Variants in BCAN observed in about 807,000 individuals in gnomAD.
BCAN encodes brevican core protein.
Under a neutral mutation model 92.4 loss-of-function variants are expected in BCAN, and 51 were observed. That is an observed-to-expected ratio of 0.55 (90% CI 0.44 to 0.70). BCAN has a LOEUF of 0.70. BCAN is among the 30% of genes least tolerant of loss of function. The probability of loss-of-function intolerance (pLI) is 0.00; values close to 1 mark genes in which losing one functional copy is unlikely to be tolerated. For synonymous variants in BCAN, 501 were observed against 505.2 expected (o/e 0.99, Z 0.11); for missense variants, 1,140 against 1,212.1 (o/e 0.94, Z 0.88).
intron 8 of BCAN, among the ~76,000 whole-genome samples, chr1:156,653,787 G>A (rs1162358737): frequency 6.6e-6 from 1 of 152,072 alleles, no homozygotes; most frequent in African/African-American, 2.4e-5. Context: ...AGGCAGTGCT[G>A]GGAGTTGTAG....
At chr1:156,646,243 C>T in intron 2 of BCAN, 98 bp downstream of exon 2, 1 of 1,171,510 alleles carries the variant, frequency 8.5e-7, no homozygotes, top group Non-Finnish European at 1.2e-6. Flanking sequence ...AATTGGAGGG[C>T]TGTGGGGAAG....
Position 156,659,203 on chromosome 1 carries a change from G to A in BCAN, c.*69G>A, listed in dbSNP as rs887044805. 25 of 1,211,610 alleles carry A rather than the reference G, an allele frequency of 2.1e-5. No individual in the cohort carries two copies. The highest frequency in any genetic ancestry group is 1.5e-4 in the African/African-American group (10 of 64,738). 75.1% of individuals were successfully genotyped at this position (1,211,610 alleles called of 1,614,324 possible). On this transcript the variant is annotated 3_prime_UTR_variant, in exon 14 of 14. Coordinates refer to ENST00000329117, the MANE Select transcript of BCAN (RefSeq NM_021948.5). ...ACCCAAATTTTCCCTCACACCCTGC[G>A]CTCCCGCCACCACAGGAAGTGACAA... is the stretch of plus-strand genomic sequence containing the variant.
chr1:156,643,327 TC>T (rs1678850645), intron 1 of BCAN: 1 of 152,216 alleles, frequency 6.6e-6, no homozygotes, highest in African/African-American at 2.4e-5. Context: ...TAGTTTTGCT[TC>T]CAATAAAAAG....
intron 6 of BCAN, among the ~76,000 whole-genome samples, chr1:156,649,588 G>A (rs1679094186): frequency 6.6e-6 from 1 of 152,166 alleles, no homozygotes; most frequent in African/African-American, 2.4e-5. Context: ...AATTTTTGTA[G>A]AGATGGGGTT....
intron 8 of BCAN, among the ~76,000 whole-genome samples, chr1:156,653,963 C>G (rs946777283): frequency 1.3e-5 from 2 of 152,118 alleles, no homozygotes; most frequent in Non-Finnish European, 2.9e-5. Context: ...GCCCTCACCC[C>G]CATCCCCTAG....
Position 156,648,868 on chromosome 1 carries a change from C to T in BCAN, c.1063+7C>T, listed in dbSNP as rs554803551. The stretch of plus-strand genomic sequence containing the variant: ...AACGTCTACTGCTTCCGAGGTGAGC[C>T]CACCTCCCTGCAGAAGCTGAGACCA... On this transcript the variant is annotated splice_region_variant and intron_variant, in intron 6 of 13. Coordinates refer to ENST00000329117, the MANE Select transcript of BCAN (RefSeq NM_021948.5). The T allele has an allele frequency of 2.6e-6, 4 of 1,548,072 alleles. No homozygotes were observed. The Admixed American group carries it at 5.4e-5, about 21-fold the overall frequency.
chr1:156,651,144 A>G (rs1679148991), intron 6 of BCAN, among the ~76,000 whole-genome samples: 2 of 152,228 alleles, frequency 1.3e-5, no homozygotes, highest in South Asian at 2.1e-4. Context: ...AGTGTTCTTT[A>G]TCTTGTAAGA....
At chr1:156,657,587 C>T in intron 10 of BCAN, 88 bp from the exon 11 acceptor site, 1 of 1,100,662 alleles carries the variant, frequency 9.1e-7, no homozygotes, top group Non-Finnish European at 1.3e-6. Context: ...GGAAGGGTTT[C>T]CAAGGCAGTC....
intron 10 of BCAN, 132 bp downstream of exon 10, chr1:156,657,228 C>G: frequency 8.7e-7 from 1 of 1,146,198 alleles, no homozygotes; most frequent in African/African-American, 1.5e-5. Flanking sequence ...CTCACTCATT[C>G]GTTCACTCCC....
At chr1:156,657,535 C>T in intron 10 of BCAN, 140 bp from the exon 11 acceptor site, 1 of 639,564 alleles carries the variant, frequency 1.6e-6, no homozygotes, top group Non-Finnish European at 2.7e-6. Flanking sequence ...TGAGCAGAGG[C>T]TGGGGTAGAA....
intron 10 of BCAN, chr1:156,657,443 T>C: frequency 1.8e-6 from 1 of 551,606 alleles, no homozygotes; most frequent in Admixed American, 3.5e-5. Flanking sequence ...TTTGACTCTT[T>C]TTCCAAAACT....
Position 156,647,544 on chromosome 1 carries a change from A to G in BCAN, c.503A>G (p.Tyr168Cys), listed in dbSNP as rs1035458076. 1 of 1,602,418 alleles carries G rather than the reference A, an allele frequency of 6.2e-7. No individual in the cohort carries two copies. The highest frequency in any genetic ancestry group is 8.5e-7 in the Non-Finnish European group (1 of 1,175,396). ...CTCTACCGAGAGGGCTCTGCCCGCT[A>G]TGCTTTCTCCTTTTCTGGGGCCCAG... ...VFLYREGSAR[Y>C]AFSFSGAQEA... Residue 168 changes from tyrosine to cysteine, a missense_variant, in exon 4 of 14, where the codon TAT becomes TGT. Transcript: ENST00000329117. This position sits in a 1 kb window ranked among gnomAD's most constrained non-coding sequence, Gnocchi z 4.8.
At chr1:156,654,204 CCT>C (rs1199430267) in intron 8 of BCAN, among the ~76,000 whole-genome samples, 9 of 152,126 alleles carry the variant, frequency 5.9e-5, no homozygotes, top group African/African-American at 2.2e-4. Context: ...TGAGAGAAGC[CCT>C]CTCTACTCAG....
chr1:156,652,110 C>T (rs1679182880), intron 7 of BCAN, 138 bp from the exon 8 acceptor site: 1 of 1,175,842 alleles, frequency 8.5e-7, no homozygotes, highest in African/African-American at 1.5e-5. Flanking sequence ...GGCGCAAGGA[C>T]CACCTGTCCT....
Position 156,659,010 on chromosome 1 carries a change from G to GA in BCAN, c.2629-17_2629-16insA. Reference sequence around the variant, plus strand: ...AAGGAAGAGCCAGGGTGGAGGGTGAGTGTGTGTCTTCCCCAGGCCCGAGCT... The same window carrying GA: ...AAGGAAGAGCCAGGGTGGAGGGTGAGATGTGTGTCTTCCCCAGGCCCGAGCT... On this transcript the variant is annotated splice_polypyrimidine_tract_variant and intron_variant, in intron 13 of 13. Transcript: ENST00000329117. The GA allele has an allele frequency of 6.3e-7, 1 of 1,578,216 alleles. No homozygotes were observed. The highest frequency in any genetic ancestry group is 8.6e-7 in the Non-Finnish European group (1 of 1,161,198).
chr1:156,645,180 C>A (rs1678920962), intron 1 of BCAN, among the ~76,000 whole-genome samples: 1 of 152,138 alleles, frequency 6.6e-6, no homozygotes, highest in South Asian at 2.1e-4. Context: ...TCTCCCCCCC[C>A]TTAGTCCACC....
intron 6 of BCAN, chr1:156,649,987 G>C: frequency 1.9e-6 from 1 of 517,502 alleles, no homozygotes; most frequent in South Asian, 1.4e-5. Context: ...CTCACTCCCA[G>C]GATGAGGAGA....
rs1381572460 is a variant in BCAN at position 156,648,120 on chromosome 1, A to C, written c.769+10A>C. On this transcript the variant is annotated intron_variant, in intron 5 of 13. Transcript: ENST00000329117. Reference sequence around the variant, plus strand: ...GCTGAAGACCTAAATGGTGATTAGGAGTGAGAGGTTCCCAGGGGACAATTT... The same window carrying C: ...GCTGAAGACCTAAATGGTGATTAGGCGTGAGAGGTTCCCAGGGGACAATTT... 6.2e-7 allele frequency: 1 copy of C among 1,609,176 alleles called. No individual in the cohort carries two copies. Among genetic ancestry groups the C allele is most frequent in the African/African-American group, 1.3e-5 (1 of 74,880 alleles).
intron 8 of BCAN, 31 bp downstream of exon 8, chr1:156,652,923 C>A: frequency 6.2e-7 from 1 of 1,609,292 alleles, no homozygotes; most frequent in Non-Finnish European, 8.5e-7. Context: ...ACTGCCCTCT[C>A]TATCCTACTC....
Sources: gnomAD v4.1 joint callset for allele counts (sites outside exome capture counted in the v4.1 genomes callset) on GRCh38, gnomAD v4.1.1 for gene constraint, Gnocchi (gnomAD v3.1) non-coding constraint, MANE v1.5 for transcripts, NCBI Gene and HGNC (gene_info 2026-07-23, HGNC 2026-07-21) for gene names.